FOXO3B: variants seen among roughly 807,000 people sequenced by gnomAD.
FOXO3B encodes forkhead box protein O3B.
A neutral mutation model predicts 21.9 loss-of-function variants in FOXO3B; 15 were observed. The ratio of observed to expected loss-of-function variants is 0.68; its 90% CI spans 0.46 to 1.05. The LOEUF is 1.05. Ranked by LOEUF, FOXO3B falls within the 50% of genes least tolerant of loss-of-function variation. The probability of loss-of-function intolerance (pLI) is 0.00; values close to 1 mark genes in which losing one functional copy is unlikely to be tolerated. For synonymous variants in FOXO3B, 135 were observed against 213.6 expected (o/e 0.63, Z 3.21); for missense variants, 293 against 435.5 (o/e 0.67, Z 2.91).
chr17:18,681,946 A>G (rs933370365), intron 1 of FOXO3B, 100 bp from the exon 2 acceptor site: 3 of 632,276 alleles, frequency 4.7e-6, no homozygotes, highest in African/African-American at 3.7e-5. Context: ...GGAAGAGGTG[A>G]CGCTGGGGCA....
chr17:18,669,390 T>C lies in FOXO3B; in HGVS notation c.*2919A>G, dbSNP rs1180889816. On this transcript the variant is annotated 3_prime_UTR_variant, in exon 4 of 4. Transcript: ENST00000395675. ...TGTACTGTACATAATAAAATATATT[T>C]ATACATTTATACGCCTAATGCTTTT... The C allele has an allele frequency of 6.7e-6, 1 of 149,318 alleles. No individual in the cohort carries two copies. The highest frequency in any genetic ancestry group is 1.5e-5 in the Non-Finnish European group (1 of 67,928). 9.2% of individuals were successfully genotyped at this position (149,318 alleles called of 1,614,324 possible).
rs2032376486 is a variant in FOXO3B, at chr17:18,672,000, G to T, written c.*309C>A. The T allele has an allele frequency of 6.2e-7, 1 of 1,612,208 alleles. No individual in the cohort carries two copies. The highest frequency in any genetic ancestry group is 1.7e-4 in the Middle Eastern group (1 of 6,056). ...TGGCGTTAGAATTGGTGCGTGAACG[G>T]AAGTCCGTCCACGCATCCAGCTCAT... On this transcript the variant is annotated 3_prime_UTR_variant, in exon 4 of 4. Coordinates refer to ENST00000395675, the MANE Select transcript of FOXO3B (RefSeq NM_001368135.1).
In FOXO3B at chr17:18,672,328, C is replaced by G. The variant is rs879120140; in HGVS notation, c.854G>C (p.Ser285Thr). ...CVPYFKDKGN[S>T]NSSAG ...GTTCTTCTAGCCGGCAGAGCTGTTG[C>G]TGTTGCCCTTATCCTTGAAGTAGGG... Residue 285 changes from serine (S) to threonine (T), a missense_variant, in exon 4 of 4, where the codon AGC (serine) becomes ACC (threonine). Physicochemically the swap from Ser to Thr is moderately conservative, Grantham distance 58. Transcript: ENST00000395675. This position sits in a 1 kb window ranked among gnomAD's most constrained non-coding sequence, Gnocchi z 4.2. The G allele has an allele frequency of 6.2e-7, 1 of 1,612,240 alleles. No homozygotes were observed. The highest frequency in any genetic ancestry group is 1.7e-5 in the Admixed American group (1 of 59,928).
Position 18,671,615 on chromosome 17 carries a change from A to C in FOXO3B, c.*694T>G. On this transcript the variant is annotated 3_prime_UTR_variant, in exon 4 of 4. Coordinates refer to ENST00000395675, the MANE Select transcript of FOXO3B (RefSeq NM_001368135.1). ...ACTGGCGTAGGGAGTTCAGAGATGA[A>C]GGTCCAAACACCGTGCTGTTAAAGG... 1 of 1,613,886 alleles carries C rather than the reference A, an allele frequency of 6.2e-7. No homozygotes were observed. The highest frequency in any genetic ancestry group is 1.7e-5 in the Admixed American group (1 of 60,014).
Position 18,671,401 on chromosome 17 carries a change from C to T in FOXO3B, c.*908G>A, listed in dbSNP as rs2032360531. 3.1e-6 allele frequency: 5 copies of T among 1,611,326 alleles called. No homozygotes were observed. The Admixed American group carries it at 8.3e-5, about 27-fold the overall frequency. ...ATCATCGGATCATTGCGAAGCATCA[C>T]GTTCCGGCGGGAATTCTGGGCAGAC... On this transcript the variant is annotated 3_prime_UTR_variant, in exon 4 of 4. Transcript: ENST00000395675.
Position 18,667,860 on chromosome 17 carries a change from C to T in FOXO3B, c.*4449G>A, listed in dbSNP as rs758373183. On this transcript the variant is annotated 3_prime_UTR_variant, in exon 4 of 4. Coordinates refer to ENST00000395675, the MANE Select transcript of FOXO3B (RefSeq NM_001368135.1). ...CTCCCTAGAGCAGCTTATTTAGAGGCCAAGTGTGGCCTCGGATAGTTCTCA... is the reference window on the plus strand; with the variant it reads ...CTCCCTAGAGCAGCTTATTTAGAGGTCAAGTGTGGCCTCGGATAGTTCTCA... The T allele has an allele frequency of 1.3e-5, 2 of 152,306 alleles. No homozygotes were observed. Among genetic ancestry groups the T allele is most frequent in the South Asian group, 2.1e-4 (1 of 4,822 alleles). 9.4% of individuals were successfully genotyped at this position (152,306 alleles called of 1,614,324 possible). A position where few individuals can be genotyped will look rare whatever the true frequency, so the allele number is the denominator to read the frequency against.
chr17:18,672,013 G>A lies in FOXO3B; in HGVS notation c.*296C>T, dbSNP rs1406680389. On this transcript the variant is annotated 3_prime_UTR_variant, in exon 4 of 4. Coordinates refer to ENST00000395675, the MANE Select transcript of FOXO3B (RefSeq NM_001368135.1). The surrounding 1 kb of genome is among the most constrained non-coding windows in gnomAD (Gnocchi z 4.2). ...GGTGCGTGAACGGAAGTCCGTCCACGCATCCAGCTCATCACTGCTGCGTGA... is the reference window on the plus strand; with the variant it reads ...GGTGCGTGAACGGAAGTCCGTCCACACATCCAGCTCATCACTGCTGCGTGA... 12 of 1,611,560 alleles carry A rather than the reference G, an allele frequency of 7.4e-6. No individual in the cohort carries two copies. The East Asian group carries it at 1.6e-4, about 21-fold the overall frequency.
rs772136614 is a variant in FOXO3B, at chr17:18,670,188, C to G, written c.*2121G>C. Among the ~76,000 whole-genome samples the G allele has an allele frequency of 6.6e-6, 1 of 152,222 alleles. No homozygotes were observed. Among genetic ancestry groups the G allele is most frequent in the African/African-American group, 2.4e-5 (1 of 41,460 alleles). On this transcript the variant is annotated 3_prime_UTR_variant, in exon 4 of 4. Coordinates refer to ENST00000395675, the MANE Select transcript of FOXO3B (RefSeq NM_001368135.1). ...AGAACTGGAAACACACTGGGCTGGACGCTGTGCTCCACTCGTTTTGCCTAT... is the reference window on the plus strand; with the variant it reads ...AGAACTGGAAACACACTGGGCTGGAGGCTGTGCTCCACTCGTTTTGCCTAT...
rs187798519 is a variant in FOXO3B at position 18,676,586 on chromosome 17, A to G, written c.127-3531T>C. On this transcript the variant is annotated intron_variant, in intron 3 of 3. Transcript: ENST00000395675. ...TACAGATTGTTTTACATACATATGT[A>G]TATATCTCTGTGTATACACACACAT... Among the ~76,000 whole-genome samples, 3 of 152,378 alleles carry G rather than the reference A, an allele frequency of 2.0e-5. No homozygotes were observed. In the East Asian group the frequency reaches 5.8e-4, roughly 29 times the overall value.
chr17:18,672,655 C>T lies in FOXO3B; in HGVS notation c.527G>A (p.Gly176Glu). 1.3e-6 allele frequency: 2 copies of T among 1,508,902 alleles called. No individual in the cohort carries two copies. Among genetic ancestry groups the T allele is most frequent in the South Asian group, 2.5e-5 (2 of 80,114 alleles). 93.5% of individuals were successfully genotyped at this position (1,508,902 alleles called of 1,614,324 possible). ...GGGGSRTLVSGLLLEDSVRVL... is the reference protein window; with the variant it reads ...GGGGSRTLVSELLLEDSVRVL... ...CCGGACCGAGTCCTCAAGGAGCAGC[C>T]CGGAGACCAGCGTGCGGCTCCCGCC... The change falls in exon 4 of 4, where the codon GGG (glycine) becomes GAG (glutamate). Residue 176 changes from glycine (G) to glutamate (E), a missense_variant. This residue lies in a region of FOXO3B where 251 missense variants were observed against 404.0 expected (regional missense o/e 0.62). Coordinates refer to ENST00000395675, the MANE Select transcript of FOXO3B (RefSeq NM_001368135.1). This position sits in a 1 kb window ranked among gnomAD's most constrained non-coding sequence, Gnocchi z 4.2.
chr17:18,679,327 C>T lies in FOXO3B; in HGVS notation c.126+1414G>A, dbSNP rs575731598. On this transcript the variant is annotated intron_variant, in intron 3 of 3. Transcript: ENST00000395675. ...ATAAAGGAAGTGACTTTTACAAACA[C>T]TATGAATGTGCAGTATCTACTTTTT... Among the ~76,000 whole-genome samples, 3 of 152,058 alleles carry T rather than the reference C, an allele frequency of 2.0e-5. No homozygotes were observed. The East Asian group carries it at 5.8e-4, about 29-fold the overall frequency.
rs933728643 is a variant in FOXO3B at position 18,669,702 on chromosome 17, A to G, written c.*2607T>C. On this transcript the variant is annotated 3_prime_UTR_variant, in exon 4 of 4. Transcript: ENST00000395675. ...TGAGTCGCTTGTACAATTACAACCT[A>G]AGCTTATATTTAAAAAATCAGTTTA... Among the ~76,000 whole-genome samples, 7 of 152,200 alleles carry G rather than the reference A, an allele frequency of 4.6e-5. No homozygotes were observed. Among genetic ancestry groups the G allele is most frequent in the Admixed American group, 2.0e-4 (3 of 15,278 alleles).
rs1231661035 is a variant in FOXO3B, at chr17:18,671,162, TGA to T, written c.*1145_*1146del. ...CACTAGTTGAGTACAAGGAGGAGCC[TGA>T]GAGAGAGTCCGAGAGGGTTTGCATA... On this transcript the variant is annotated 3_prime_UTR_variant, in exon 4 of 4. Coordinates refer to ENST00000395675, the MANE Select transcript of FOXO3B (RefSeq NM_001368135.1). 8 of 941,948 alleles carry T rather than the reference TGA, an allele frequency of 8.5e-6. No homozygotes were observed. The highest frequency in any genetic ancestry group is 1.4e-5 in the Non-Finnish European group (8 of 575,648). The allele number at this position is 941,948 out of a possible 1,614,324, so 58.3% of individuals were successfully genotyped here. A position where few individuals can be genotyped will look rare whatever the true frequency, so the allele number is the denominator to read the frequency against.
chr17:18,677,116 C>G, intron 3 of FOXO3B: 1 of 682,294 alleles, frequency 1.5e-6, no homozygotes, highest in Non-Finnish European at 2.5e-6. Flanking sequence ...TAAGTGTTGA[C>G]AAGCATGTGG....
rs2032324532 is a variant in FOXO3B at position 18,669,513 on chromosome 17, T to C, written c.*2796A>G. 1 of 152,620 alleles carries C rather than the reference T, an allele frequency of 6.6e-6. No homozygotes were observed. Among genetic ancestry groups the C allele is most frequent in the African/African-American group, 2.4e-5 (1 of 41,416 alleles). The allele number at this position is 152,620 out of a possible 1,614,324, so 9.5% of individuals were successfully genotyped here. A position where few individuals can be genotyped will look rare whatever the true frequency, so the allele number is the denominator to read the frequency against. ...ATACCAATTTCATATGTACCAAAGG[T>C]GGTCCCAACTATTCCGTCTACCAAA... On this transcript the variant is annotated 3_prime_UTR_variant, in exon 4 of 4. Transcript: ENST00000395675.
At chr17:18,676,931 G>T (rs961588813) in intron 3 of FOXO3B, among the ~76,000 whole-genome samples, 2 of 152,228 alleles carry the variant, frequency 1.3e-5, no homozygotes, top group African/African-American at 4.8e-5. Context: ...TCAAACTTCT[G>T]ACCTCAGGTG....
chr17:18,674,497 G>A (rs1340139078), intron 3 of FOXO3B, among the ~76,000 whole-genome samples: 1 of 150,526 alleles, frequency 6.6e-6, no homozygotes, highest in Non-Finnish European at 1.5e-5. Flanking sequence ...GTGGTGGCGG[G>A]CACCTGTAGT....
intron 3 of FOXO3B, among the ~76,000 whole-genome samples, chr17:18,673,405 T>C (rs2032417145): frequency 1.3e-5 from 2 of 152,208 alleles, no homozygotes; most frequent in South Asian, 2.1e-4. Flanking sequence ...GACCACCACA[T>C]CCGGCCAATT....
rs1002194599 is a variant in FOXO3B, at chr17:18,677,514, G to A, written c.126+3227C>T. ...GGGCCGCCTGCTCTTGGAGAACTAC[G>A]AGGAGTATGCGGCTCGGGCCCGTCT... On this transcript the variant is annotated intron_variant, in intron 3 of 3. Coordinates refer to ENST00000395675, the MANE Select transcript of FOXO3B (RefSeq NM_001368135.1). 8.1e-6 allele frequency: 13 copies of A among 1,613,630 alleles called. No individual in the cohort carries two copies. In the African/African-American group the frequency reaches 1.7e-4, roughly 22 times the overall value.
Sources: allele counts gnomAD v4.1 joint callset (sites outside exome capture counted in the v4.1 genomes callset), GRCh38; gene constraint gnomAD v4.1.1; regional missense constraint gnomAD v4.1.1; non-coding constraint Gnocchi (gnomAD v3.1); transcripts MANE v1.5; gene names NCBI Gene and HGNC (gene_info 2026-07-23, HGNC 2026-07-21).